The following PCDH11Y variants were observed in gnomAD, a reference collection of about 807,000 sequenced individuals.
PCDH11Y encodes the protein protocadherin 11 Y-linked, also known as protocadherin-11 Y-linked.
For synonymous variants in PCDH11Y, 9 were observed against 83.6 expected (o/e 0.11, Z 4.87); for missense variants, 12 against 224.8 (o/e 0.05, Z 6.05).
At chrY:5,402,369 C>G in intron 2 of PCDH11Y, among the ~76,000 whole-genome samples, 1 of 32,888 alleles carries the variant, frequency 3.0e-5, no homozygotes, top group Non-Finnish European at 7.4e-5. Flanking sequence ...TCAGGTAGTT[C>G]TTTATAGCTG....
chrY:5,560,142 G>T (rs2053427330), intron 3 of PCDH11Y, among the ~76,000 whole-genome samples: 1 of 33,030 alleles, frequency 3.0e-5, no homozygotes, highest in Admixed American at 2.8e-4. Context: ...GTAGCATTTT[G>T]CCCCTTCTCT....
chrY:5,296,859 C>G, intron 2 of PCDH11Y, among the ~76,000 whole-genome samples: 1 of 31,091 alleles, frequency 3.2e-5, no homozygotes. Flanking sequence ...TTGCTCTACC[C>G]CACTGTGGCC....
intron 4 of PCDH11Y, among the ~76,000 whole-genome samples, chrY:5,613,795 G>A: frequency 3.1e-5 from 1 of 32,769 alleles, no homozygotes; most frequent in East Asian, 8.0e-4. Context: ...GTTTTTGCCA[G>A]TGGATTTTTT....
At chrY:5,036,852 G>T (rs2052599516) in intron 3 of PCDH11Y, among the ~76,000 whole-genome samples, 1 of 33,026 alleles carries the variant, frequency 3.0e-5, no homozygotes, top group African/African-American at 1.2e-4. Flanking sequence ...CATCAATATT[G>T]TTCATTAAGA....
intron 2 of PCDH11Y, among the ~76,000 whole-genome samples, chrY:5,389,394 G>A: frequency 3.0e-5 from 1 of 33,620 alleles, no homozygotes; most frequent in African/African-American, 1.2e-4. Flanking sequence ...CAGTGAAAAC[G>A]TGAATAAAAT....
At chrY:5,712,048 A>G in intron 4 of PCDH11Y, among the ~76,000 whole-genome samples, 1 of 32,224 alleles carries the variant, frequency 3.1e-5, no homozygotes, top group African/African-American at 1.2e-4. Context: ...GCTCTAATGA[A>G]TTGGCTTAAT....
downstream of PCDH11Y, among the ~76,000 whole-genome samples, chrY:5,107,481 A>G: frequency 6.1e-5 from 2 of 32,762 alleles, no homozygotes; most frequent in African/African-American, 1.2e-4. Flanking sequence ...AGAGAATATT[A>G]TCTCTATTTG....
At chrY:5,284,701 T>C in intron 2 of PCDH11Y, among the ~76,000 whole-genome samples, 1 of 30,755 alleles carries the variant, frequency 3.3e-5, no homozygotes, top group East Asian at 8.3e-4. Context: ...GAAAATTCCA[T>C]CCACAATCTG....
chrY:5,578,608 G>C, intron 3 of PCDH11Y, among the ~76,000 whole-genome samples: 1 of 32,904 alleles, frequency 3.0e-5, no homozygotes, highest in East Asian at 8.1e-4. Context: ...CTGGGCTACA[G>C]AGTGAGAACA....
At chrY:5,591,791 A>G (rs1602947751) in intron 4 of PCDH11Y, among the ~76,000 whole-genome samples, 1 of 33,276 alleles carries the variant, frequency 3.0e-5, no homozygotes, top group South Asian at 6.6e-4. Context: ...TATTTACCCA[A>G]AAGTCATTCA....
At chrY:5,423,240 C>T in intron 2 of PCDH11Y, among the ~76,000 whole-genome samples, 1 of 31,837 alleles carries the variant, frequency 3.1e-5, no homozygotes, top group Non-Finnish European at 7.7e-5. Flanking sequence ...CTCACCGATT[C>T]GAAAGGCTAT....
chrY:5,285,921 G>A (rs1602899434), intron 2 of PCDH11Y, among the ~76,000 whole-genome samples: 2 of 33,838 alleles, frequency 5.9e-5, no homozygotes, highest in East Asian at 7.7e-4. Flanking sequence ...TAGCTCTCAT[G>A]TGTCAACTTT....
chrY:5,350,694 G>A (rs2053157345), intron 2 of PCDH11Y, among the ~76,000 whole-genome samples: 1 of 31,601 alleles, frequency 3.2e-5, no homozygotes, highest in African/African-American at 1.2e-4. Context: ...TGACAAGAAT[G>A]AAACTCTGTC....
intron 2 of PCDH11Y, among the ~76,000 whole-genome samples, chrY:5,287,082 A>G: frequency 3.0e-5 from 1 of 33,296 alleles, no homozygotes; most frequent in African/African-American, 1.2e-4. Context: ...TTCAGAGCCT[A>G]GTTTGTTCAG....
At chrY:5,440,209 T>C (rs2053279460) in intron 2 of PCDH11Y, among the ~76,000 whole-genome samples, 70 of 33,537 alleles carry the variant, frequency 2.1e-3, no homozygotes, top group Non-Finnish European at 4.0e-3. Flanking sequence ...TGTCTCACAG[T>C]ATCTGTGGGT....
intron 2 of PCDH11Y, among the ~76,000 whole-genome samples, chrY:5,251,912 A>G: frequency 3.1e-5 from 1 of 32,716 alleles, no homozygotes; most frequent in Non-Finnish European, 7.6e-5. Context: ...ATGCATTTAC[A>G]GTAGCCAAAT....
intron 1 of PCDH11Y, among the ~76,000 whole-genome samples, chrY:5,087,348 G>A: frequency 3.2e-5 from 1 of 31,009 alleles, no homozygotes; most frequent in Non-Finnish European, 7.8e-5. Context: ...CCCAAGGGTC[G>A]TGTCCTGGAA....
At chrY:5,001,099 G>A in intron 1 of PCDH11Y, among the ~76,000 whole-genome samples, 1 of 33,086 alleles carries the variant, frequency 3.0e-5, no homozygotes, top group Admixed American at 2.7e-4. Flanking sequence ...GCGCTCCTCT[G>A]GGGGCTCGGG....
At chrY:5,725,045 C>T (rs2053597634) in intron 4 of PCDH11Y, among the ~76,000 whole-genome samples, 1 of 32,980 alleles carries the variant, frequency 3.0e-5, no homozygotes, top group Admixed American at 2.8e-4. Flanking sequence ...GAGGCCGAGG[C>T]GGGCGGATCA....
Sources: gnomAD v4.1 joint callset for allele counts (sites outside exome capture counted in the v4.1 genomes callset) on GRCh38, gnomAD v4.1.1 for gene constraint, MANE v1.5 for transcripts, NCBI Gene and HGNC (gene_info 2026-07-23, HGNC 2026-07-21) for gene names.